Variants in PDXDC1 observed in about 807,000 individuals in gnomAD.
PDXDC1 encodes pyridoxal-dependent decarboxylase domain-containing protein 1.
PDXDC1 carries 42 observed loss-of-function variants against 100.1 expected under a neutral mutation model. The ratio of observed to expected loss-of-function variants is 0.42; its 90% confidence interval spans 0.33 to 0.54. The LOEUF is 0.54. Ranked by LOEUF, PDXDC1 falls within the 20% of genes least tolerant of loss-of-function variation. The pLI is 0.10. For missense variants in PDXDC1, 636 were observed against 979.2 expected, an observed-to-expected ratio of 0.65 and a Z score of 4.68; for synonymous variants, 260 against 371.7, an observed-to-expected ratio of 0.70 and a Z score of 3.46.
At chr16:15,128,355 C>A in intron 16 of PDXDC1, 1 of 1,607,158 alleles carries the variant, frequency 6.2e-7, no homozygotes, top group Non-Finnish European at 8.5e-7. Flanking sequence ...GGCTGTCCAC[C>A]CCATACAGCA....
At chr16:14,997,878 C>T (rs1348694589) in intron 2 of PDXDC1, 52 bp downstream of exon 2, 7 of 1,553,214 alleles carry the variant, frequency 4.5e-6, no homozygotes, top group Non-Finnish European at 6.1e-6. Flanking sequence ...GCTGTGAAGC[C>T]AGTGGCTCTG....
At chr16:15,008,734 T>G (rs781268397) in intron 6 of PDXDC1, 45 bp from the exon 7 acceptor site, 1 of 1,574,994 alleles carries the variant, frequency 6.3e-7, no homozygotes, top group Admixed American at 1.7e-5. Context: ...CTGAAGTGAA[T>G]GGTGCAGAGA....
chr16:14,991,475 A>G (rs145533600), intron 1 of PDXDC1, among the ~76,000 whole-genome samples: 1,841 of 147,560 alleles, frequency 0.012, no homozygotes, highest in South Asian at 0.055. Context: ...TGATTTTTGT[A>G]CTTTTTGCAG....
intron 1 of PDXDC1, among the ~76,000 whole-genome samples, chr16:14,994,252 C>G (rs1267419163): frequency 6.6e-6 from 1 of 152,262 alleles, no homozygotes; most frequent in African/African-American, 2.4e-5. Context: ...AGGTTTTCTT[C>G]TAGGGTTTTT....
intron 16 of PDXDC1, chr16:15,127,787 A>G (rs1202322380): frequency 3.2e-6 from 5 of 1,556,482 alleles, no homozygotes; most frequent in Admixed American, 1.9e-5. Context: ...ATGCGAGTGA[A>G]ACAGCTACGA....
intron 16 of PDXDC1, among the ~76,000 whole-genome samples, chr16:15,077,658 G>A (rs1485456848): frequency 7.2e-5 from 11 of 152,140 alleles, no homozygotes; most frequent in Admixed American, 1.3e-4. Context: ...TGGCTAACAC[G>A]GTGAAACCCC....
At chr16:15,089,786 C>CTAA in intron 16 of PDXDC1, among the ~76,000 whole-genome samples, 1 of 66,580 alleles carries the variant, frequency 1.5e-5, no homozygotes, top group East Asian at 5.2e-4. Context: ...GGCGACAGAG[C>CTAA]AAAAAAAAAA....
intron 16 of PDXDC1, among the ~76,000 whole-genome samples, chr16:15,080,732 TA>T (rs2045662601): frequency 1.3e-5 from 2 of 152,304 alleles, no homozygotes; most frequent in South Asian, 2.1e-4. Context: ...AGCAATTTTG[TA>T]ACATTTTAAT....
intron 6 of PDXDC1, among the ~76,000 whole-genome samples, chr16:15,008,313 C>G (rs1168134988): frequency 1.5e-4 from 23 of 152,282 alleles, no homozygotes; most frequent in Non-Finnish European, 1.8e-4. Context: ...GACTTCACTT[C>G]TCTTGAGAAA....
intron 16 of PDXDC1, chr16:15,136,639 G>GC (rs1305167413): frequency 9.3e-7 from 1 of 1,076,888 alleles, no homozygotes; most frequent in African/African-American, 1.5e-5. Flanking sequence ...CCCGGCCCAG[G>GC]CCCGACACTG....
chr16:15,094,432 C>T (rs1014393179), intron 16 of PDXDC1: 2 of 610,916 alleles, frequency 3.3e-6, no homozygotes, highest in African/African-American at 1.9e-5. Flanking sequence ...TTGTTCCAGC[C>T]AGCGCTAGTG....
chr16:15,074,936 G>A, intron 16 of PDXDC1: 2 of 1,391,470 alleles, frequency 1.4e-6, no homozygotes, highest in Non-Finnish European at 2.0e-6. Context: ...ACTGTCATAA[G>A]TGATTATTTC....
chr16:15,103,358 G>GA, intron 16 of PDXDC1: 1 of 612,136 alleles, frequency 1.6e-6, no homozygotes, highest in Non-Finnish European at 2.9e-6. Flanking sequence ...CCTGTGCGGT[G>GA]AGTCCCCAGC....
intron 16 of PDXDC1, chr16:15,132,939 G>C: frequency 6.3e-7 from 1 of 1,575,928 alleles, no homozygotes; most frequent in Non-Finnish European, 8.6e-7. Flanking sequence ...GCCAGCAGAT[G>C]CCCACGACTC....
chr16:15,033,071 C>T (rs1261594130), intron 18 of PDXDC1, 92 bp downstream of exon 18: 18 of 999,318 alleles, frequency 1.8e-5, no homozygotes, highest in African/African-American at 6.4e-5. Context: ...AGCGGGCTAG[C>T]GCCTCTCGGG....
chr16:15,074,938 G>C (rs2045388185), intron 16 of PDXDC1: 1 of 1,370,750 alleles, frequency 7.3e-7, no homozygotes, highest in South Asian at 1.4e-5. Flanking sequence ...TGTCATAAGT[G>C]ATTATTTCCC....
chr16:15,130,222 G>A (rs555124810), intron 16 of PDXDC1: 4 of 1,551,234 alleles, frequency 2.6e-6, no homozygotes, highest in East Asian at 4.9e-5. Context: ...AAGCGTACAT[G>A]GCTTGGGGGC....
chr16:14,988,472 C>T (rs1969929446), intron 1 of PDXDC1: 1 of 1,614,008 alleles, frequency 6.2e-7, no homozygotes, highest in Non-Finnish European at 8.5e-7. Flanking sequence ...GCAGGTCCTG[C>T]AGGTGTGTGA....
At chr16:15,096,964 C>T (rs1322579762) in intron 16 of PDXDC1, among the ~76,000 whole-genome samples, 1 of 152,162 alleles carries the variant, frequency 6.6e-6, no homozygotes, top group Non-Finnish European at 1.5e-5. Flanking sequence ...CATTCTTTCC[C>T]TTAAAAAAAG....
Sources: allele counts gnomAD v4.1 joint callset (sites outside exome capture counted in the v4.1 genomes callset), GRCh38; gene constraint gnomAD v4.1.1; transcripts MANE v1.5; gene names NCBI Gene and HGNC (gene_info 2026-07-23, HGNC 2026-07-21).